MYLK: variants seen among roughly 807,000 people sequenced by gnomAD.
MYLK encodes the protein myosin light chain kinase, smooth muscle.
A neutral mutation model predicts 203.4 loss-of-function variants in MYLK; 106 were observed. The observed-to-expected ratio is 0.52, with a 90% CI of 0.45 to 0.61. The LOEUF (loss-of-function observed/expected upper bound fraction) is 0.61. Among genes scored for constraint, MYLK ranks in the 20% least tolerant of loss-of-function variants. The pLI, the probability that MYLK is intolerant of heterozygous loss-of-function variation, is 0.00. For synonymous variants in MYLK, 867 were observed against 959.5 expected (o/e 0.90, Z 1.78); for missense variants, 2,072 against 2,442.3 (o/e 0.85, Z 3.20).
intron 1 of MYLK, among the ~76,000 whole-genome samples, chr3:123,878,568 A>G (rs1483487953): frequency 4.6e-5 from 7 of 152,238 alleles, no homozygotes; most frequent in Non-Finnish European, 1.0e-4. Context: ...AGGTGGGCAG[A>G]TGAGGGAACC....
intron 4 of MYLK, among the ~76,000 whole-genome samples, chr3:123,783,981 G>C (rs1296077711): frequency 6.6e-6 from 1 of 152,138 alleles, no homozygotes; most frequent in East Asian, 1.9e-4. Flanking sequence ...ACAGAGGCTG[G>C]GCAGGAAACA....
chr3:123,834,027 T>C (rs777179608), intron 2 of MYLK, among the ~76,000 whole-genome samples: 18 of 151,958 alleles, frequency 1.2e-4, no homozygotes, highest in Non-Finnish European at 2.4e-4. Context: ...TCATTACTGT[T>C]TTTTGTTTGT....
chr3:123,846,490 T>G (rs748841743), intron 2 of MYLK, among the ~76,000 whole-genome samples: 1 of 152,184 alleles, frequency 6.6e-6, no homozygotes, highest in Non-Finnish European at 1.5e-5. Context: ...TGGTGGAAAT[T>G]TGGACTGTTT....
intron 1 of MYLK, among the ~76,000 whole-genome samples, chr3:123,876,842 C>T (rs973840903): frequency 2.0e-5 from 3 of 152,166 alleles, no homozygotes; most frequent in Non-Finnish European, 4.4e-5. Flanking sequence ...GAAACAGAGG[C>T]ATTAACATGT....
intron 2 of MYLK, among the ~76,000 whole-genome samples, chr3:123,856,826 C>A (rs2031420497): frequency 6.6e-6 from 1 of 152,054 alleles, no homozygotes. Flanking sequence ...AGTTTCTGCA[C>A]AGCAAAAGAA....
chr3:123,784,357 C>T (rs1259378096), intron 4 of MYLK, among the ~76,000 whole-genome samples: 3 of 148,508 alleles, frequency 2.0e-5, no homozygotes, highest in South Asian at 2.1e-4. Context: ...GTGCCAAATA[C>T]GGCTCATGGG....
chr3:123,706,437 C>T (rs758574173), intron 16 of MYLK, among the ~76,000 whole-genome samples: 18 of 152,042 alleles, frequency 1.2e-4, no homozygotes, highest in Admixed American at 7.9e-4. Context: ...AAAGTACAGG[C>T]GAGAAAGCCC....
At chr3:123,688,278 C>T (rs1424948564) in intron 19 of MYLK, among the ~76,000 whole-genome samples, 3 of 152,104 alleles carry the variant, frequency 2.0e-5, no homozygotes, top group African/African-American at 4.8e-5. Flanking sequence ...GTGACAGGAC[C>T]GCTTGAGAGG....
chr3:123,859,861 A>C (rs894378319), intron 2 of MYLK, among the ~76,000 whole-genome samples: 1 of 152,204 alleles, frequency 6.6e-6, no homozygotes, highest in African/African-American at 2.4e-5. Context: ...TGTGGGGATC[A>C]AATTGCTGCC....
intron 2 of MYLK, among the ~76,000 whole-genome samples, chr3:123,843,438 G>A (rs2066641451): frequency 6.6e-6 from 1 of 152,090 alleles, no homozygotes; most frequent in Non-Finnish European, 1.5e-5. Flanking sequence ...CTAGGGAGCA[G>A]GACAAGGAGA....
chr3:123,651,697 C>T (rs1478746130), intron 24 of MYLK, among the ~76,000 whole-genome samples: 3 of 152,196 alleles, frequency 2.0e-5, no homozygotes, highest in Admixed American at 6.5e-5. Context: ...CCCTGCGTGC[C>T]TTGAAGGGGG....
rs2057230129 is a variant in MYLK, at chr3:123,610,748, ATTAT to A, written c.*3353_*3356del. ...GGAGAATTGGGTTTCTCACAACTCA[ATTAT>A]TTATTACCTCCTATGTACTTATTAG... On this transcript the variant is annotated 3_prime_UTR_variant, in exon 34 of 34. Coordinates refer to ENST00000360304, the MANE Select transcript of MYLK (RefSeq NM_053025.4). 1.3e-5 allele frequency: 2 copies of A among 152,348 alleles called. No homozygotes were observed. The highest frequency in any genetic ancestry group is 2.1e-4 in the South Asian group (1 of 4,834). 9.4% of individuals were successfully genotyped at this position (152,348 alleles called of 1,614,324 possible).
At chr3:123,856,769 A>G (rs2031414204) in intron 2 of MYLK, among the ~76,000 whole-genome samples, 1 of 148,410 alleles carries the variant, frequency 6.7e-6, no homozygotes, top group East Asian at 2.0e-4. Context: ...CTTTGGTATA[A>G]AAAAAAATTG....
chr3:123,716,830 A>G (rs1015548771), intron 13 of MYLK, among the ~76,000 whole-genome samples: 3 of 152,240 alleles, frequency 2.0e-5, no homozygotes, highest in African/African-American at 7.2e-5. Context: ...CCCTATTAGT[A>G]AAATGAGGCT....
intron 3 of MYLK, among the ~76,000 whole-genome samples, chr3:123,817,923 T>C (rs1577059608): frequency 6.6e-6 from 1 of 151,794 alleles, no homozygotes; most frequent in Non-Finnish European, 1.5e-5. Flanking sequence ...GGGGAAGGAG[T>C]TCAGGTCACT....
intron 2 of MYLK, among the ~76,000 whole-genome samples, chr3:123,875,079 T>C (rs929960833): frequency 1.3e-5 from 2 of 152,146 alleles, no homozygotes; most frequent in Admixed American, 6.5e-5. Flanking sequence ...TGGTATTCCA[T>C]TACATTTACC....
At chr3:123,633,008 C>T (rs1254400) in intron 29 of MYLK, among the ~76,000 whole-genome samples, 3,826 of 152,142 alleles carry the variant, frequency 0.025, 68 homozygotes, top group Middle Eastern at 0.088. Flanking sequence ...GTTGCCCAGG[C>T]TAGTCTCAAA....
At chr3:123,745,029 A>C (rs1312790227) in intron 5 of MYLK, among the ~76,000 whole-genome samples, 1 of 152,216 alleles carries the variant, frequency 6.6e-6, no homozygotes, top group Admixed American at 6.5e-5. Flanking sequence ...CATTTAGTAG[A>C]AAATTTGTGC....
chr3:123,652,621 T>C (rs1015783188), intron 24 of MYLK, among the ~76,000 whole-genome samples: 1 of 152,196 alleles, frequency 6.6e-6, no homozygotes, highest in African/African-American at 2.4e-5. Flanking sequence ...TATCTCGAAC[T>C]GTCCTGGGGG....
Sources: allele counts gnomAD v4.1 joint callset (sites outside exome capture counted in the v4.1 genomes callset), GRCh38; gene constraint gnomAD v4.1.1; transcripts MANE v1.5; gene names NCBI Gene and HGNC (gene_info 2026-07-23, HGNC 2026-07-21).